C3orf49: variants seen among roughly 807,000 people sequenced by gnomAD.
C3orf49 encodes chromosome 3 open reading frame 49, also known as putative uncharacterized protein C3orf49.
In C3orf49, 27 loss-of-function variants were observed where a neutral mutation model predicts 13.3. The observed-to-expected ratio is 2.02, with a 90% CI of 1.49 to 2.79. The LOEUF (loss-of-function observed/expected upper bound fraction) is 2.79, where lower values mean the gene tolerates loss of function less well. Ranked by LOEUF, C3orf49 falls within the 30% of genes most tolerant of loss-of-function variation. The pLI, the probability that C3orf49 is intolerant of heterozygous loss-of-function variation, is 0.00. For missense variants in C3orf49, 242 were observed against 134.2 expected (o/e 1.80, Z -3.97); for synonymous variants, 87 against 47.6 (o/e 1.83, Z -3.40).
At chr3:63,818,640 G>C (rs1327785636), upstream of C3orf49, among the ~76,000 whole-genome samples, 2 of 152,204 alleles carry the variant, frequency 1.3e-5, no homozygotes, top group Non-Finnish European at 1.5e-5. Context: ...AACCTTTCTA[G>C]AGGAGTTTTT....
chr3:63,806,354 C>T, the C3orf49 span, among the ~76,000 whole-genome samples: 1 of 152,332 alleles, frequency 6.6e-6, no homozygotes, highest in South Asian at 2.1e-4. Flanking sequence ...GGGATCAGCT[C>T]CCAAGTTAAT....
the C3orf49 span, among the ~76,000 whole-genome samples, chr3:63,799,316 A>G: frequency 6.6e-6 from 1 of 152,272 alleles, no homozygotes; most frequent in Non-Finnish European, 1.5e-5. Flanking sequence ...AATACTTTTT[A>G]AAACCATGTG....
At chr3:63,830,099 A>G (rs1193403208) in intron 3 of C3orf49, among the ~76,000 whole-genome samples, 1 of 152,220 alleles carries the variant, frequency 6.6e-6, no homozygotes, top group African/African-American at 2.4e-5. Flanking sequence ...TCATGGCAAC[A>G]AACAGGAGCT....
chr3:63,794,136 G>A, the C3orf49 span, among the ~76,000 whole-genome samples: 1 of 150,776 alleles, frequency 6.6e-6, no homozygotes, highest in Non-Finnish European at 1.5e-5. Context: ...GCCTGGGCAA[G>A]AGAGCAAGAC....
At chr3:63,793,914 C>G in the C3orf49 span, among the ~76,000 whole-genome samples, 1 of 152,090 alleles carries the variant, frequency 6.6e-6, no homozygotes, top group South Asian at 2.1e-4. Flanking sequence ...CCAGCATTTA[C>G]TGAGGCCAAA....
the C3orf49 span, among the ~76,000 whole-genome samples, chr3:63,804,194 C>A: frequency 1.3e-5 from 2 of 152,188 alleles, no homozygotes. Context: ...CAGTTCCTAA[C>A]AGGCCATGGG....
chr3:63,795,137 T>C, the C3orf49 span, among the ~76,000 whole-genome samples: 1 of 152,148 alleles, frequency 6.6e-6, no homozygotes, highest in African/African-American at 2.4e-5. Flanking sequence ...AGCCTCTGAT[T>C]GGTTACTTTT....
chr3:63,837,933 C>A, intron 5 of C3orf49: 2 of 1,535,206 alleles, frequency 1.3e-6, no homozygotes, highest in South Asian at 1.2e-5. Flanking sequence ...AAACTGTAGT[C>A]AGTAATAATG....
At chr3:63,818,433 A>C (rs1412592536), upstream of C3orf49, among the ~76,000 whole-genome samples, 1 of 152,194 alleles carries the variant, frequency 6.6e-6, no homozygotes, top group African/African-American at 2.4e-5. Flanking sequence ...CTCCAAGTGC[A>C]GTCTGGCATC....
intron 1 of C3orf49, 125 bp downstream of exon 1, chr3:63,819,721 T>A: frequency 1.7e-6 from 1 of 604,694 alleles, no homozygotes; most frequent in East Asian, 2.8e-5. Context: ...GGGTACTGCG[T>A]TGGATCAAGA....
intron 5 of C3orf49, among the ~76,000 whole-genome samples, chr3:63,840,613 A>G (rs1238475667): frequency 1.3e-5 from 2 of 152,218 alleles, no homozygotes; most frequent in East Asian, 3.8e-4. Flanking sequence ...AAAATAAAAA[A>G]TAAAAAAATA....
chr3:63,836,220 G>A, intron 5 of C3orf49: 5 of 1,322,752 alleles, frequency 3.8e-6, no homozygotes, highest in Admixed American at 2.2e-5. Flanking sequence ...ATTTATTTCT[G>A]CAAAAATGAA....
the C3orf49 span, among the ~76,000 whole-genome samples, chr3:63,793,308 A>T: frequency 6.6e-6 from 1 of 152,266 alleles, no homozygotes; most frequent in East Asian, 1.9e-4. Flanking sequence ...CATCCCAGGA[A>T]GTTCAGTCCT....
the C3orf49 span, among the ~76,000 whole-genome samples, chr3:63,805,840 A>C: frequency 2.6e-5 from 4 of 152,370 alleles, no homozygotes. Flanking sequence ...AAAATTGTCC[A>C]GAACAAAGGC....
the C3orf49 span, among the ~76,000 whole-genome samples, chr3:63,801,330 A>G: frequency 0.021 from 3,251 of 152,144 alleles, 68 homozygotes; most frequent in South Asian, 0.081. Context: ...CAGAGATGAG[A>G]AAGAGAGAAA....
chr3:63,814,878 A>T (rs1277775202), upstream of C3orf49, among the ~76,000 whole-genome samples: 8 of 151,944 alleles, frequency 5.3e-5, no homozygotes, highest in African/African-American at 1.9e-4. Flanking sequence ...GTAATTTACT[A>T]AAAAAAAGGT....
chr3:63,835,766 T>C (rs1351605004), intron 5 of C3orf49, among the ~76,000 whole-genome samples: 2 of 152,100 alleles, frequency 1.3e-5, no homozygotes, highest in East Asian at 3.8e-4. Flanking sequence ...CCTAGTCCTC[T>C]ATCCTGGGCC....
chr3:63,824,133 T>A (rs906262638), intron 2 of C3orf49, among the ~76,000 whole-genome samples: 3 of 152,076 alleles, frequency 2.0e-5, no homozygotes, highest in Admixed American at 6.6e-5. Context: ...GCCTTGGAGG[T>A]TCCTTCCAGT....
chr3:63,801,458 T>C, the C3orf49 span, among the ~76,000 whole-genome samples: 1 of 152,030 alleles, frequency 6.6e-6, no homozygotes, highest in Admixed American at 6.5e-5. Context: ...CTTAATGATA[T>C]AGACACATCA....
Sources: allele counts gnomAD v4.1 joint callset (sites outside exome capture counted in the v4.1 genomes callset), GRCh38; gene constraint gnomAD v4.1.1; transcripts MANE v1.5; gene names NCBI Gene and HGNC (gene_info 2026-07-23, HGNC 2026-07-21).